Variants in TRPM3 observed in about 807,000 individuals in gnomAD.
TRPM3 encodes the protein long transient receptor potential channel 3.
Under a neutral mutation model 181.2 loss-of-function variants are expected in TRPM3, and 77 were observed. The ratio of observed to expected loss-of-function variants is 0.42; its 90% confidence interval spans 0.35 to 0.51. The LOEUF (loss-of-function observed/expected upper bound fraction) is 0.51, where lower values mean the gene tolerates loss of function less well. Among genes scored for constraint, TRPM3 ranks in the 20% least tolerant of loss-of-function variants. The probability of loss-of-function intolerance (pLI) is 0.01; values close to 1 mark genes in which losing one functional copy is unlikely to be tolerated. For synonymous variants in TRPM3, 745 were observed against 796.4 expected (o/e 0.94, Z 1.09); for missense variants, 1,759 against 2,196.7 (o/e 0.80, Z 3.98).
At position 70,627,226 on chromosome 9, in the gene TRPM3, T is replaced by C. The variant is rs1589490485; in HGVS notation, c.1633-1709A>G. Among the ~76,000 whole-genome samples the C allele has an allele frequency of 4.0e-5, 6 of 151,378 alleles. 1 individual carries two copies. The highest frequency in any genetic ancestry group is 1.5e-4 in the African/African-American group (6 of 41,362). ...TGGAGTGAGAACAAATAGATAGTAA[T>C]TGAAGCACCAGCCTCAGGCATATAA... is the stretch of plus-strand genomic sequence containing the variant. On this transcript the variant is annotated intron_variant, in intron 12 of 25. Coordinates refer to ENST00000677713, the MANE Select transcript of TRPM3 (RefSeq NM_001366145.2).
In TRPM3 at chr9:71,438,579, G is replaced by A. The variant is rs113294221; in HGVS notation, c.183+8074C>T. On this transcript the variant is annotated intron_variant, in intron 1 of 24. Coordinates refer to the TRPM3 transcript ENST00000357533. ...TCCCAGCTACTTGGAAGGCTGAGGT[G>A]GAAGAATCACCTGAGCCCGGGAGGC... 5.3e-3 allele frequency among the ~76,000 whole-genome samples: 807 copies of A among 152,222 alleles called. 10 individuals carry two copies. The highest frequency in any genetic ancestry group is 0.019 in the African/African-American group (776 of 41,542).
At chr9:71,202,367 A>G (rs1446649188) in intron 1 of TRPM3, among the ~76,000 whole-genome samples, 2 of 152,160 alleles carry the variant, frequency 1.3e-5, no homozygotes, top group Non-Finnish European at 2.9e-5. Context: ...CAAAGATGTC[A>G]GACAGGGACA....
intron 1 of TRPM3, among the ~76,000 whole-genome samples, chr9:71,353,182 C>T (rs1418847883): frequency 6.6e-6 from 1 of 151,998 alleles, no homozygotes; most frequent in Non-Finnish European, 1.5e-5. Context: ...AATGCACCAC[C>T]CCACCCTCAC....
intron 1 of TRPM3, among the ~76,000 whole-genome samples, chr9:71,209,034 G>C (rs935291408): frequency 6.6e-6 from 1 of 152,138 alleles, no homozygotes; most frequent in Non-Finnish European, 1.5e-5. Context: ...TAAATCATGA[G>C]ACTTTGATCA....
In TRPM3 at chr9:71,279,052, AAAATAAAAAT is replaced by A. The variant is rs1227433870; in HGVS notation, c.183+167591_183+167600del. ...GCTTAGGTTAAAAAAAATAAAAATA[AAAATAAAAAT>A]AAAAAAACCACCAACGACCATTTAT... is the stretch of plus-strand genomic sequence containing the variant. On this transcript the variant is annotated intron_variant, in intron 1 of 24. Coordinates refer to the TRPM3 transcript ENST00000357533. Among the ~76,000 whole-genome samples, 11 of 139,784 alleles carry A rather than the reference AAAATAAAAAT, an allele frequency of 7.9e-5. 1 individual carries two copies. Among genetic ancestry groups the A allele is most frequent in the East Asian group, 2.0e-4 (1 of 5,014 alleles). 91.7% of individuals were successfully genotyped at this position (139,784 alleles called of 152,430 possible).
chr9:71,301,718 A>G (rs1216665702), intron 1 of TRPM3, among the ~76,000 whole-genome samples: 1 of 152,158 alleles, frequency 6.6e-6, no homozygotes, highest in Non-Finnish European at 1.5e-5. Context: ...GGAGAAACCT[A>G]GTTTTTAAAT....
In TRPM3 at chr9:70,843,044, AG is replaced by A; in HGVS notation, c.759del (p.Trp254GlyfsTer26). 6.2e-7 allele frequency: 1 copy of A among 1,613,762 alleles called. No homozygotes were observed. The highest frequency in any genetic ancestry group is 8.5e-7 in the Non-Finnish European group (1 of 1,179,824). On this transcript the variant is annotated frameshift_variant, in exon 5 of 26. Coordinates refer to ENST00000677713, the MANE Select transcript of TRPM3 (RefSeq NM_001366145.2). LOFTEE classifies it high-confidence loss of function. ...TCCTCCTGGTTTTCCACAATTCCCCAGGGGGCAATACCTATGGTGCATATCT... is the reference window on the plus strand; with the variant it reads ...TCCTCCTGGTTTTCCACAATTCCCCAGGGGCAATACCTATGGTGCATATCT... ...RGKICTIGIA[P>X]WGIVENQEDL... is the part of the protein sequence containing the mutation.
chr9:71,203,073 T>A (rs1209172003), intron 1 of TRPM3, among the ~76,000 whole-genome samples: 2 of 152,230 alleles, frequency 1.3e-5, no homozygotes, highest in Non-Finnish European at 2.9e-5. Context: ...GCCTGCAGTT[T>A]GGCTCCTAGA....
chr9:71,091,438 G>C (rs1415097998), intron 1 of TRPM3, among the ~76,000 whole-genome samples: 1 of 152,062 alleles, frequency 6.6e-6, no homozygotes, highest in Non-Finnish European at 1.5e-5. Context: ...TCAGGGCACT[G>C]CCTACCCCTT....
intron 1 of TRPM3, among the ~76,000 whole-genome samples, chr9:71,002,270 C>T (rs1016867699): frequency 1.3e-5 from 2 of 152,208 alleles, no homozygotes; most frequent in African/African-American, 4.8e-5. Context: ...CATAACCTGA[C>T]TTCATGTACT....
At chr9:71,089,495 G>A (rs907169533) in intron 1 of TRPM3, among the ~76,000 whole-genome samples, 7 of 151,256 alleles carry the variant, frequency 4.6e-5, no homozygotes, top group African/African-American at 1.7e-4. Context: ...GTAGCTAGAG[G>A]CATCTAGGTA....
intron 1 of TRPM3, among the ~76,000 whole-genome samples, chr9:71,244,562 A>G (rs1258009968): frequency 6.6e-6 from 1 of 152,182 alleles, no homozygotes; most frequent in Non-Finnish European, 1.5e-5. Flanking sequence ...AAACACATCA[A>G]AAACCCATTG....
In TRPM3 at chr9:70,952,742, T is replaced by C. The variant is rs557229809; in HGVS notation, c.178-88231A>G. Among the ~76,000 whole-genome samples, 287 of 152,196 alleles carry C rather than the reference T, an allele frequency of 1.9e-3. 2 individuals carry two copies. Among genetic ancestry groups the C allele is most frequent in the Non-Finnish European group, 3.2e-3 (217 of 67,996 alleles). Reference sequence around the variant, plus strand: ...CATTGAGGCTGTAGTGACAAAATCTTGTGGGGGATTGTTGGGAGACGAGAC... The same window carrying C: ...CATTGAGGCTGTAGTGACAAAATCTCGTGGGGGATTGTTGGGAGACGAGAC... On this transcript the variant is annotated intron_variant, in intron 1 of 25. Transcript: ENST00000677713.
intron 1 of TRPM3, among the ~76,000 whole-genome samples, chr9:70,945,118 C>T (rs1164717119): frequency 6.6e-6 from 1 of 152,090 alleles, no homozygotes; most frequent in African/African-American, 2.4e-5. Context: ...CAGGTAAGTC[C>T]AATGTGCAGC....
intron 1 of TRPM3, among the ~76,000 whole-genome samples, chr9:71,205,654 T>C (rs540638486): frequency 2.8e-4 from 42 of 152,338 alleles, no homozygotes; most frequent in African/African-American, 9.9e-4. Context: ...TAAAAACATA[T>C]GCTGATACAT....
intron 1 of TRPM3, among the ~76,000 whole-genome samples, chr9:70,884,054 T>G (rs1316488568): frequency 1.3e-5 from 2 of 152,014 alleles, no homozygotes; most frequent in Non-Finnish European, 2.9e-5. Context: ...TTTTTTTTGA[T>G]GTGGTTCATC....
chr9:70,542,784 G>C (rs755771589), intron 25 of TRPM3, among the ~76,000 whole-genome samples: 2 of 152,142 alleles, frequency 1.3e-5, no homozygotes, highest in African/African-American at 4.8e-5. Flanking sequence ...TGTAGGATGA[G>C]GGCAAAAGCA....
intron 22 of TRPM3, among the ~76,000 whole-genome samples, chr9:70,583,289 G>A (rs1176224932): frequency 6.6e-6 from 1 of 152,228 alleles, no homozygotes; most frequent in Non-Finnish European, 1.5e-5. Context: ...GAGTGTATGA[G>A]AGTGAACGCT....
intron 6 of TRPM3, among the ~76,000 whole-genome samples, chr9:70,822,351 G>A (rs2093248322): frequency 6.6e-6 from 1 of 152,178 alleles, no homozygotes; most frequent in African/African-American, 2.4e-5. Flanking sequence ...GTGTCTCAAA[G>A]GATGACCATG....
Sources: allele counts gnomAD v4.1 joint callset (sites outside exome capture counted in the v4.1 genomes callset), GRCh38; gene constraint gnomAD v4.1.1; transcripts MANE v1.5; gene names NCBI Gene and HGNC (gene_info 2026-07-23, HGNC 2026-07-21).